Variants in FAT3 observed in about 807,000 individuals in gnomAD.
FAT3 encodes the protein protocadherin Fat 3.
FAT3 carries 95 observed loss-of-function variants against 310.2 expected under a neutral mutation model. The ratio of observed to expected loss-of-function variants is 0.31; its 90% CI spans 0.26 to 0.36. The LOEUF is 0.36. FAT3 is among the 10% of genes least tolerant of loss of function. FAT3 has a pLI of 1.00. For missense variants in FAT3, 5,408 were observed against 5,715.6 expected, an observed-to-expected ratio of 0.95 and a Z score of 1.74; for synonymous variants, 2,314 against 2,192.9, an observed-to-expected ratio of 1.06 and a Z score of -1.54.
At chr11:92,757,421 G>A (rs1410296858) in intron 4 of FAT3, among the ~76,000 whole-genome samples, 3 of 152,264 alleles carry the variant, frequency 2.0e-5, no homozygotes, top group East Asian at 1.9e-4. Context: ...ACAATGGTGC[G>A]TTTCTTGCAT....
rs777108809 is a variant in FAT3, at chr11:92,799,800, G to A, written c.6787G>A (p.Ala2263Thr). The A allele has an allele frequency of 1.1e-5, 18 of 1,612,920 alleles. No individual in the cohort carries two copies. The highest frequency in any genetic ancestry group is 8.0e-5 in the African/African-American group (6 of 74,888). ...AYKLTIRASDALTGARAEVTV... is the reference protein window; with the variant it reads ...AYKLTIRASDTLTGARAEVTV... ...CAAGCTGACAATAAGAGCCAGCGAC[G>A]CCCTTACTGGTGCTAGGGCTGAAGT... Residue 2263 changes from alanine to threonine, a missense_variant, in exon 10 of 28, where the codon GCC becomes ACC. Transcript: ENST00000525166.
chr11:92,575,192 G>T (rs1164933102), intron 3 of FAT3, among the ~76,000 whole-genome samples: 1 of 152,064 alleles, frequency 6.6e-6, no homozygotes, highest in South Asian at 2.1e-4. Flanking sequence ...AAGTATAGGT[G>T]ATGTAAGGAT....
At chr11:92,649,986 T>A (rs1942316872) in intron 3 of FAT3, among the ~76,000 whole-genome samples, 1 of 150,386 alleles carries the variant, frequency 6.6e-6, no homozygotes, top group African/African-American at 2.5e-5. Flanking sequence ...ATAATTGAAG[T>A]CATACCCAAA....
intron 2 of FAT3, among the ~76,000 whole-genome samples, chr11:92,433,307 G>T (rs567331139): frequency 6.6e-6 from 1 of 152,276 alleles, no homozygotes; most frequent in East Asian, 1.9e-4. Flanking sequence ...CTGCTAACTC[G>T]GTGTCTGCCC....
intron 4 of FAT3, among the ~76,000 whole-genome samples, chr11:92,753,847 G>A (rs1376182919): frequency 7.0e-6 from 1 of 143,214 alleles, no homozygotes; most frequent in African/African-American, 2.7e-5. Context: ...GAATGCATTT[G>A]CAGCAACCTG....
chr11:92,443,425 T>C (rs1453527141), intron 2 of FAT3, among the ~76,000 whole-genome samples: 1 of 152,178 alleles, frequency 6.6e-6, no homozygotes, highest in East Asian at 1.9e-4. Context: ...TAAAATCTGC[T>C]TTTATAGAAA....
At chr11:92,572,214 A>G (rs1031949525) in intron 3 of FAT3, among the ~76,000 whole-genome samples, 7 of 152,290 alleles carry the variant, frequency 4.6e-5, no homozygotes, top group African/African-American at 1.4e-4. Flanking sequence ...CAATTGAGTG[A>G]TCTTACTGGG....
At chr11:92,462,623 T>G (rs182015600) in intron 2 of FAT3, among the ~76,000 whole-genome samples, 66 of 151,992 alleles carry the variant, frequency 4.3e-4, no homozygotes, top group Non-Finnish European at 1.2e-4. Context: ...AGAGACTCCT[T>G]TGTTTCTTAT....
At chr11:92,340,475 T>C (rs1948220466) in intron 1 of FAT3, among the ~76,000 whole-genome samples, 1 of 152,216 alleles carries the variant, frequency 6.6e-6, no homozygotes, top group African/African-American at 2.4e-5. Context: ...ACTGAGTTCA[T>C]ATGCATTCAT....
intron 2 of FAT3, among the ~76,000 whole-genome samples, chr11:92,410,873 G>A (rs1204976155): frequency 6.6e-6 from 1 of 151,394 alleles, no homozygotes; most frequent in Non-Finnish European, 1.5e-5. Flanking sequence ...ATAAGCCAAA[G>A]CTCTAATAAG....
intron 2 of FAT3, among the ~76,000 whole-genome samples, chr11:92,382,568 G>A (rs1185379249): frequency 6.6e-6 from 1 of 152,068 alleles, no homozygotes; most frequent in Non-Finnish European, 1.5e-5. Context: ...TCCTACCTGA[G>A]TGTCACTTGG....
At chr11:92,537,136 C>A (rs1276171858) in intron 3 of FAT3, among the ~76,000 whole-genome samples, 1 of 152,132 alleles carries the variant, frequency 6.6e-6, no homozygotes, top group Non-Finnish European at 1.5e-5. Context: ...TGCTTTGCAT[C>A]CATTTCAACC....
chr11:92,591,237 C>T lies in FAT3; in HGVS notation c.3607+66289C>T, dbSNP rs114743784. ...AAATGTGGCTTTGGTGACCTCATCTCCTCTTAGGCTGAAGTTTAATATCCC... is the reference window on the plus strand; with the variant it reads ...AAATGTGGCTTTGGTGACCTCATCTTCTCTTAGGCTGAAGTTTAATATCCC... On this transcript the variant is annotated intron_variant, in intron 3 of 27. Transcript: ENST00000525166. Among the ~76,000 whole-genome samples, 1,448 of 152,218 alleles carry T rather than the reference C, an allele frequency of 9.5e-3. 28 individuals are homozygous for T. The highest frequency in any genetic ancestry group is 0.031 in the African/African-American group (1,279 of 41,544).
At chr11:92,496,620 C>T (rs570723296) in intron 2 of FAT3, among the ~76,000 whole-genome samples, 7 of 152,068 alleles carry the variant, frequency 4.6e-5, no homozygotes, top group East Asian at 1.9e-4. Flanking sequence ...ACCGTGACTG[C>T]GGTGAGCCTC....
chr11:92,264,651 TG>T (rs1945882068), intron 1 of FAT3, among the ~76,000 whole-genome samples: 1 of 152,184 alleles, frequency 6.6e-6, no homozygotes, highest in African/African-American at 2.4e-5. Flanking sequence ...AATATTGCTT[TG>T]GTTTGCACTT....
intron 1 of FAT3, among the ~76,000 whole-genome samples, chr11:92,251,210 G>A (rs957217958): frequency 3.3e-5 from 5 of 152,108 alleles, no homozygotes; most frequent in African/African-American, 1.2e-4. Context: ...CAGTTTCATT[G>A]CTTCCGAGGT....
chr11:92,849,858 C>T (rs781574493), intron 19 of FAT3, among the ~76,000 whole-genome samples: 7 of 152,126 alleles, frequency 4.6e-5, no homozygotes, highest in Non-Finnish European at 8.8e-5. Context: ...GATCCCCATT[C>T]CCATGGAGCA....
intron 13 of FAT3, among the ~76,000 whole-genome samples, chr11:92,814,710 A>T (rs952769335): frequency 6.6e-6 from 1 of 152,186 alleles, no homozygotes; most frequent in Admixed American, 6.5e-5. Flanking sequence ...GGCCTGTTGG[A>T]GTGTAGGGGA....
chr11:92,311,529 G>A (rs1055582230), intron 1 of FAT3, among the ~76,000 whole-genome samples: 1 of 152,164 alleles, frequency 6.6e-6, no homozygotes, highest in South Asian at 2.1e-4. Flanking sequence ...GCTCCAAAGA[G>A]CATGTGGGAA....
Sources: gnomAD v4.1 joint callset for allele counts (sites outside exome capture counted in the v4.1 genomes callset) on GRCh38, gnomAD v4.1.1 for gene constraint, MANE v1.5 for transcripts, NCBI Gene and HGNC (gene_info 2026-07-23, HGNC 2026-07-21) for gene names.